Variants in SPHKAP observed in about 807,000 individuals in gnomAD.
SPHKAP encodes SPHK1 interactor, AKAP domain containing, also known as A-kinase anchor protein SPHKAP.
SPHKAP carries 67 observed loss-of-function variants against 137.5 expected under a neutral mutation model. That is an observed-to-expected ratio of 0.49 (90% CI 0.40 to 0.60). SPHKAP has a LOEUF of 0.60. SPHKAP is among the 20% of genes least tolerant of loss of function. The pLI, the probability that SPHKAP is intolerant of heterozygous loss-of-function variation, is 0.00. For missense variants in SPHKAP, 2,097 were observed against 2,069.3 expected (o/e 1.01, Z -0.26); for synonymous variants, 813 against 785.3 (o/e 1.04, Z -0.59).
At chr2:228,121,925 G>A (rs1698916896) in intron 2 of SPHKAP, among the ~76,000 whole-genome samples, 1 of 152,140 alleles carries the variant, frequency 6.6e-6, no homozygotes, top group Non-Finnish European at 1.5e-5. Flanking sequence ...TGGATGCTAT[G>A]AGGACAGGTG....
chr2:228,122,136 G>A (rs1698927287), intron 2 of SPHKAP, among the ~76,000 whole-genome samples: 1 of 152,050 alleles, frequency 6.6e-6, no homozygotes, highest in Non-Finnish European at 1.5e-5. Flanking sequence ...TTTCTGGACA[G>A]ATATATTTAA....
chr2:228,018,204 G>C lies in SPHKAP; in HGVS notation c.2650C>G (p.Gln884Glu). ...EAEESIHPNT[Q>E]EKYNCATSRI... ...GATGTGGCACAGTTGTACTTTTCTT[G>C]GGTGTTTGGGTGGATACTCTCCTCA... Residue 884 changes from glutamine to glutamate, a missense_variant, in exon 7 of 12, where the codon CAA (glutamine) becomes GAA (glutamate). Gln to Glu is a conservative substitution (Grantham distance 29). Transcript: ENST00000392056. 1 of 1,614,128 alleles carries C rather than the reference G, an allele frequency of 6.2e-7. No individual in the cohort carries two copies. Among genetic ancestry groups the C allele is most frequent in the Non-Finnish European group, 8.5e-7 (1 of 1,180,016 alleles).
chr2:228,137,771 A>G (rs1699481375), intron 1 of SPHKAP, among the ~76,000 whole-genome samples: 1 of 152,208 alleles, frequency 6.6e-6, no homozygotes, highest in African/African-American at 2.4e-5. Context: ...ACATATGACA[A>G]CCAAAAATTG....
At chr2:228,068,372 A>C (rs1351466289) in intron 3 of SPHKAP, among the ~76,000 whole-genome samples, 1 of 152,138 alleles carries the variant, frequency 6.6e-6, no homozygotes, top group Non-Finnish European at 1.5e-5. Flanking sequence ...TAGAAAAAAA[A>C]AACAACACCT....
intron 7 of SPHKAP, among the ~76,000 whole-genome samples, chr2:228,007,214 C>G (rs947388779): frequency 6.6e-6 from 1 of 152,050 alleles, no homozygotes; most frequent in African/African-American, 2.4e-5. Context: ...ATAATTACAT[C>G]CATTTATGGG....
intron 2 of SPHKAP, among the ~76,000 whole-genome samples, chr2:228,118,526 A>C (rs1277661108): frequency 6.6e-6 from 1 of 152,086 alleles, no homozygotes; most frequent in East Asian, 1.9e-4. Context: ...GTCAGTACTC[A>C]GTATTGTCAA....
At chr2:228,041,328 G>A (rs1333512915) in intron 3 of SPHKAP, among the ~76,000 whole-genome samples, 2 of 151,976 alleles carry the variant, frequency 1.3e-5, no homozygotes, top group African/African-American at 4.8e-5. Flanking sequence ...AGTTAAATCA[G>A]GATTCTCCAA....
At chr2:228,125,223 C>T (rs1488785837) in intron 2 of SPHKAP, among the ~76,000 whole-genome samples, 1 of 152,102 alleles carries the variant, frequency 6.6e-6, no homozygotes, top group Non-Finnish European at 1.5e-5. Context: ...AGCAAACCTT[C>T]AGTCTAAGTG....
At chr2:228,027,858 C>T (rs1199891576) in intron 3 of SPHKAP, 5 of 256,686 alleles carry the variant, frequency 1.9e-5, no homozygotes, top group South Asian at 3.0e-4. Flanking sequence ...CCCAGCTACT[C>T]GGGAGGCTGA....
At chr2:227,992,550 A>G (rs1266956439) in intron 9 of SPHKAP, among the ~76,000 whole-genome samples, 3 of 152,238 alleles carry the variant, frequency 2.0e-5, no homozygotes, top group African/African-American at 7.2e-5. Context: ...TGAAAGAGAA[A>G]AATAAATTTA....
At chr2:228,045,076 A>G (rs1452328472) in intron 3 of SPHKAP, among the ~76,000 whole-genome samples, 1 of 151,950 alleles carries the variant, frequency 6.6e-6, no homozygotes, top group Non-Finnish European at 1.5e-5. Context: ...TAGAATGGCA[A>G]TCATTAAAAA....
chr2:228,012,951 AC>A (rs1207497475), intron 7 of SPHKAP, among the ~76,000 whole-genome samples: 1 of 152,198 alleles, frequency 6.6e-6, no homozygotes, highest in East Asian at 1.9e-4. Context: ...AGCGTAAATA[AC>A]TTTTTTTAAA....
chr2:228,031,532 C>A (rs1192884142), intron 3 of SPHKAP, among the ~76,000 whole-genome samples: 2 of 152,342 alleles, frequency 1.3e-5, no homozygotes, highest in East Asian at 3.9e-4. Context: ...GTTCTCCCAG[C>A]ACGCAGCTGG....
intron 2 of SPHKAP, among the ~76,000 whole-genome samples, chr2:228,127,220 G>T (rs903058371): frequency 9.9e-5 from 15 of 152,112 alleles, no homozygotes; most frequent in Admixed American, 3.9e-4. Flanking sequence ...AACATACATT[G>T]CATGTGCATT....
At chr2:228,014,449 C>T (rs1330042883) in intron 7 of SPHKAP, among the ~76,000 whole-genome samples, 1 of 152,172 alleles carries the variant, frequency 6.6e-6, no homozygotes, top group Non-Finnish European at 1.5e-5. Context: ...TGGAGAACTA[C>T]TGATGTATAA....
chr2:228,110,874 TTTA>T (rs1698497303), intron 2 of SPHKAP, among the ~76,000 whole-genome samples: 1 of 152,262 alleles, frequency 6.6e-6, no homozygotes, highest in African/African-American at 2.4e-5. Flanking sequence ...GGATAATGTG[TTTA>T]TTATTATTTT....
intron 3 of SPHKAP, among the ~76,000 whole-genome samples, chr2:228,059,340 A>C (rs1330876168): frequency 1.3e-5 from 2 of 152,232 alleles, no homozygotes; most frequent in African/African-American, 4.8e-5. Flanking sequence ...GAGTGCCTAT[A>C]ACATTTTTCA....
rs1479698333 is a variant in SPHKAP at position 227,991,345 on chromosome 2, GTA to G, written c.4722-21_4722-20del. 1.2e-6 allele frequency: 2 copies of G among 1,614,060 alleles called. No individual in the cohort carries two copies. Among genetic ancestry groups the G allele is most frequent in the South Asian group, 2.2e-5 (2 of 91,080 alleles). On this transcript the variant is annotated intron_variant, in intron 9 of 11. Transcript: ENST00000392056. The stretch of plus-strand genomic sequence containing the variant: ...TAATTCACTTTGGGAGAAAACAACA[GTA>G]TATGGTTGGTAATGTTTAGAAGAAT...
intron 3 of SPHKAP, among the ~76,000 whole-genome samples, chr2:228,056,229 A>C (rs1336015514): frequency 6.6e-6 from 1 of 152,240 alleles, no homozygotes; most frequent in African/African-American, 2.4e-5. Context: ...AGGTGGACTC[A>C]TGAAGAGAGG....
Sources: gnomAD v4.1 joint callset for allele counts (sites outside exome capture counted in the v4.1 genomes callset) on GRCh38, gnomAD v4.1.1 for gene constraint, MANE v1.5 for transcripts, NCBI Gene and HGNC (gene_info 2026-07-23, HGNC 2026-07-21) for gene names.